EPB41L4A: variants seen among roughly 807,000 people sequenced by gnomAD.
EPB41L4A encodes the protein erythrocyte membrane protein band 4.1 like 4A.
In EPB41L4A, 100 loss-of-function variants were observed where a neutral mutation model predicts 108.6. That is an observed-to-expected ratio of 0.92 (90% CI 0.78 to 1.09). EPB41L4A has a LOEUF of 1.09. Among genes scored for constraint, EPB41L4A ranks in the 50% least tolerant of loss-of-function variants. The pLI, the probability that EPB41L4A is intolerant of heterozygous loss-of-function variation, is 0.00. For missense variants in EPB41L4A, 1,030 were observed against 842.7 expected, an observed-to-expected ratio of 1.22 and a Z score of -2.75; for synonymous variants, 319 against 289.0, an observed-to-expected ratio of 1.10 and a Z score of -1.05.
chr5:112,308,945 T>C (rs1754866745), intron 1 of EPB41L4A, among the ~76,000 whole-genome samples: 1 of 152,188 alleles, frequency 6.6e-6, no homozygotes, highest in Non-Finnish European at 1.5e-5. Context: ...CTGACATTAA[T>C]AAAAGCAAGC....
chr5:112,236,925 G>C (rs559065124), intron 11 of EPB41L4A, among the ~76,000 whole-genome samples: 6 of 152,316 alleles, frequency 3.9e-5, no homozygotes, highest in Admixed American at 6.5e-5. Context: ...CTGACACAAA[G>C]GAGGTTCTTA....
intron 1 of EPB41L4A, among the ~76,000 whole-genome samples, chr5:112,407,284 C>T (rs956586239): frequency 3.3e-5 from 5 of 152,136 alleles, no homozygotes; most frequent in Admixed American, 6.5e-5. Context: ...GACTGTAAAG[C>T]TTATATTATG....
chr5:112,322,866 C>A (rs573916155), intron 1 of EPB41L4A, among the ~76,000 whole-genome samples: 3 of 151,780 alleles, frequency 2.0e-5, no homozygotes, highest in African/African-American at 4.8e-5. Context: ...AAGGGGTCTC[C>A]GCAACTTGAA....
intron 2 of EPB41L4A, among the ~76,000 whole-genome samples, chr5:112,301,260 C>T (rs934127265): frequency 6.6e-6 from 1 of 152,094 alleles, no homozygotes; most frequent in Non-Finnish European, 1.5e-5. Flanking sequence ...TTTTCTGGTT[C>T]CTTCTCCTTT....
chr5:112,305,028 C>T (rs1754596569), intron 2 of EPB41L4A, among the ~76,000 whole-genome samples: 1 of 152,058 alleles, frequency 6.6e-6, no homozygotes, highest in Admixed American at 6.6e-5. Context: ...TTCAAAAACA[C>T]CAGTTCCTTA....
intron 1 of EPB41L4A, among the ~76,000 whole-genome samples, chr5:112,372,266 G>A (rs1759540693): frequency 1.3e-5 from 2 of 152,066 alleles, no homozygotes; most frequent in Non-Finnish European, 2.9e-5. Context: ...GAGCCAGCAG[G>A]GGAAATGCCA....
intron 12 of EPB41L4A, among the ~76,000 whole-genome samples, chr5:112,154,402 G>C (rs1759578684): frequency 6.6e-6 from 1 of 152,160 alleles, no homozygotes; most frequent in Admixed American, 6.5e-5. Flanking sequence ...TGTAATTCTT[G>C]TGTAAGCAGT....
At chr5:112,371,351 C>G (rs1247420776) in intron 1 of EPB41L4A, among the ~76,000 whole-genome samples, 1 of 152,300 alleles carries the variant, frequency 6.6e-6, no homozygotes, top group East Asian at 1.9e-4. Context: ...TTCTCCAAGA[C>G]ATCTGGTTGG....
At chr5:112,307,826 C>CA (rs1173460452) in intron 1 of EPB41L4A, among the ~76,000 whole-genome samples, 2 of 151,872 alleles carry the variant, frequency 1.3e-5, no homozygotes, top group South Asian at 2.1e-4. Context: ...ATAAATGCAT[C>CA]AAAAAAACAC....
downstream of EPB41L4A, chr5:112,161,047 G>T (rs1430664981): frequency 6.3e-6 from 1 of 158,836 alleles, no homozygotes; most frequent in Non-Finnish European, 1.4e-5. Flanking sequence ...AACAAGGGCA[G>T]CGGCCTGGCC....
chr5:112,381,240 A>G (rs1395690399), intron 1 of EPB41L4A, among the ~76,000 whole-genome samples: 1 of 152,196 alleles, frequency 6.6e-6, no homozygotes, highest in African/African-American at 2.4e-5. Flanking sequence ...TCAAATCAGA[A>G]CTTTTGGATT....
intron 18 of EPB41L4A, 109 bp from the exon 19 acceptor site, chr5:112,171,101 A>G: frequency 1.0e-6 from 1 of 968,162 alleles, no homozygotes; most frequent in South Asian, 1.4e-5. Flanking sequence ...GCCAGCTGAG[A>G]ACAGACAAGG....
At chr5:112,196,484 T>C (rs1300684081) in intron 15 of EPB41L4A, among the ~76,000 whole-genome samples, 1 of 152,218 alleles carries the variant, frequency 6.6e-6, no homozygotes, top group Admixed American at 6.5e-5. Flanking sequence ...ATTTCCATTC[T>C]TCCTTTTCTT....
intron 2 of EPB41L4A, among the ~76,000 whole-genome samples, chr5:112,283,426 C>A (rs1466065259): frequency 6.6e-6 from 1 of 152,196 alleles, no homozygotes; most frequent in East Asian, 1.9e-4. Context: ...ACCAAAGCAG[C>A]CATGCTATGA....
intron 9 of EPB41L4A, among the ~76,000 whole-genome samples, chr5:112,243,828 T>A (rs1429409926): frequency 4.6e-5 from 7 of 152,244 alleles, no homozygotes; most frequent in Non-Finnish European, 7.3e-5. Context: ...TTTCTCTGGA[T>A]TACAGACTTT....
chr5:112,290,859 T>G (rs1280318104), intron 2 of EPB41L4A, among the ~76,000 whole-genome samples: 1 of 152,184 alleles, frequency 6.6e-6, no homozygotes, highest in Non-Finnish European at 1.5e-5. Flanking sequence ...CCAGGTGCCC[T>G]GCTCAGCACC....
In EPB41L4A at chr5:112,265,098, T is replaced by C. The variant is rs558303795; in HGVS notation, c.434-82A>G. ...TAGAAATAAAATATTCCTAACATGC[T>C]TAAACATTTTTTCAAATGTCTTACT... is the stretch of plus-strand genomic sequence containing the variant. On this transcript the variant is annotated intron_variant, in intron 5 of 22. Transcript: ENST00000261486. 3 of 1,223,066 alleles carry C rather than the reference T, an allele frequency of 2.5e-6. No individual in the cohort carries two copies. In the East Asian group the frequency reaches 7.8e-5, roughly 32 times the overall value. The allele number at this position is 1,223,066 out of a possible 1,614,324, so 75.8% of individuals were successfully genotyped here.
intron 1 of EPB41L4A, among the ~76,000 whole-genome samples, chr5:112,333,682 T>G (rs1036550110): frequency 6.6e-6 from 1 of 152,224 alleles, no homozygotes; most frequent in Non-Finnish European, 1.5e-5. Flanking sequence ...TGTTACATAC[T>G]GACAGCAGAT....
intron 22 of EPB41L4A, among the ~76,000 whole-genome samples, chr5:112,167,142 AC>A (rs1324405876): frequency 1.3e-5 from 2 of 149,440 alleles, no homozygotes; most frequent in East Asian, 3.9e-4. Context: ...AAAAAAAAAC[AC>A]CGAAAGATAA....
Sources: gnomAD v4.1 joint callset for allele counts (sites outside exome capture counted in the v4.1 genomes callset) on GRCh38, gnomAD v4.1.1 for gene constraint, MANE v1.5 for transcripts, NCBI Gene and HGNC (gene_info 2026-07-23, HGNC 2026-07-21) for gene names.